DNAAF5: variants seen among roughly 807,000 people sequenced by gnomAD.
The protein encoded by DNAAF5 is dynein axonemal assembly factor 5.
In DNAAF5, 64 loss-of-function variants were observed where a neutral mutation model predicts 75.8. The observed-to-expected ratio is 0.84, with a 90% confidence interval of 0.69 to 1.04. The LOEUF is 1.04. Ranked by LOEUF, DNAAF5 falls within the 50% of genes least tolerant of loss-of-function variation. DNAAF5 has a pLI of 0.00. For missense variants in DNAAF5, 1,269 were observed against 1,178.5 expected, an observed-to-expected ratio of 1.08 and a Z score of -1.12; for synonymous variants, 657 against 557.2, an observed-to-expected ratio of 1.18 and a Z score of -2.52.
intron 2 of DNAAF5, chr7:732,484 G>T (rs769285558): frequency 2.2e-6 from 1 of 454,498 alleles, no homozygotes; most frequent in East Asian, 7.0e-5. Flanking sequence ...TGCTCGATGT[G>T]TGCTGCTGGT....
intron 8 of DNAAF5, among the ~76,000 whole-genome samples, 198 bp downstream of exon 8, chr7:764,172 C>T (rs762594816): frequency 2.3e-4 from 35 of 152,236 alleles, no homozygotes; most frequent in African/African-American, 6.8e-4. Context: ...GACTGTGGGA[C>T]GCAGCTCTTC....
Position 754,456 on chromosome 7 carries a change from G to A in DNAAF5, c.1025-133G>A, listed in dbSNP as rs752285723. The A allele has an allele frequency of 3.9e-5, 30 of 775,528 alleles. No individual in the cohort carries two copies. Among genetic ancestry groups the A allele is most frequent in the East Asian group, 3.4e-4 (14 of 40,646 alleles). The allele number at this position is 775,528 out of a possible 1,614,324, so 48.0% of individuals were successfully genotyped here. On this transcript the variant is annotated intron_variant, in intron 4 of 12. Coordinates refer to ENST00000297440, the MANE Select transcript of DNAAF5 (RefSeq NM_017802.4). The surrounding 1 kb of genome is among the most constrained non-coding windows in gnomAD (Gnocchi z 4.8). ...ACGACGGGGCATTTGTCAGCTTTGCGTCCACCCCAAGACTTGTTTTGAAAT... is the reference window on the plus strand; with the variant it reads ...ACGACGGGGCATTTGTCAGCTTTGCATCCACCCCAAGACTTGTTTTGAAAT...
chr7:737,928 C>T (rs983273136), intron 2 of DNAAF5, among the ~76,000 whole-genome samples: 7 of 152,128 alleles, frequency 4.6e-5, no homozygotes, highest in African/African-American at 1.7e-4. Flanking sequence ...GTTCTGTAGC[C>T]TTCTTGTACT....
intron 12 of DNAAF5, among the ~76,000 whole-genome samples, chr7:784,020 CCCCA>C (rs1779068721): frequency 2.1e-4 from 1 of 4,764 alleles, no homozygotes. Flanking sequence ...TGTACGCCGC[CCCCA>C]CCTCCCCCAC....
At chr7:761,706 A>C in intron 6 of DNAAF5, 47 bp from the exon 7 acceptor site, 1 of 1,550,360 alleles carries the variant, frequency 6.5e-7, no homozygotes. Context: ...GGGTGGGGAC[A>C]CGACCAAATT....
At chr7:745,731 TGCACATACATGTACAC>T (rs1013745643) in intron 4 of DNAAF5, among the ~76,000 whole-genome samples, 3 of 152,216 alleles carry the variant, frequency 2.0e-5, no homozygotes, top group African/African-American at 7.2e-5. Context: ...TACGTGTGTG[TGCACATACATGTACAC>T]ATGTACATAC....
chr7:758,660 T>C (rs901376796), intron 6 of DNAAF5, among the ~76,000 whole-genome samples: 1 of 152,036 alleles, frequency 6.6e-6, no homozygotes, highest in Admixed American at 6.6e-5. Flanking sequence ...CCACCACACC[T>C]GGGTAATTTT....
intron 2 of DNAAF5, among the ~76,000 whole-genome samples, chr7:730,768 C>T (rs534727105): frequency 1.3e-5 from 2 of 151,608 alleles, no homozygotes; most frequent in South Asian, 4.2e-4. Context: ...GGGCTGTGCG[C>T]AGAGACACAG....
chr7:740,798 A>T lies in DNAAF5; in HGVS notation c.781-21A>T, dbSNP rs759297894. On this transcript the variant is annotated intron_variant, in intron 2 of 12. Coordinates refer to ENST00000297440, the MANE Select transcript of DNAAF5 (RefSeq NM_017802.4). ...ATCCCCTTTGCCTACACGAATCCTTATCCCTTCCTCTCATGCGCAGGTCCG... is the reference window on the plus strand; with the variant it reads ...ATCCCCTTTGCCTACACGAATCCTTTTCCCTTCCTCTCATGCGCAGGTCCG... 1.9e-6 allele frequency: 3 copies of T among 1,612,578 alleles called. 1 individual carries two copies. The highest frequency in any genetic ancestry group is 1.1e-5 in the South Asian group (1 of 91,048).
At chr7:744,043 C>T (rs925343040) in intron 4 of DNAAF5, among the ~76,000 whole-genome samples, 2 of 151,684 alleles carry the variant, frequency 1.3e-5, no homozygotes, top group African/African-American at 4.8e-5. Flanking sequence ...CACCCATTAA[C>T]TCGTCATTTA....
At chr7:740,100 G>A (rs772168293) in intron 2 of DNAAF5, among the ~76,000 whole-genome samples, 4 of 152,128 alleles carry the variant, frequency 2.6e-5, no homozygotes, top group Non-Finnish European at 5.9e-5. Context: ...ATCAGTCTGC[G>A]GCTGGCTTCA....
intron 10 of DNAAF5, 22 bp from the exon 11 acceptor site, chr7:774,984 C>A: frequency 1.2e-6 from 2 of 1,613,222 alleles, no homozygotes; most frequent in Non-Finnish European, 1.7e-6. Context: ...TGAGTCACGT[C>A]GTATGTGTTT....
chr7:749,341 G>C (rs1293618507), intron 4 of DNAAF5, among the ~76,000 whole-genome samples: 2 of 152,194 alleles, frequency 1.3e-5, no homozygotes, highest in Admixed American at 6.5e-5. Context: ...ATGCCTGAGC[G>C]TAAAGGAAAG....
chr7:747,648 T>G (rs112272666), intron 4 of DNAAF5, among the ~76,000 whole-genome samples: 3 of 145,476 alleles, frequency 2.1e-5, no homozygotes, highest in South Asian at 2.3e-4. Context: ...TGGCCCACAG[T>G]GTTGGTGGGG....
intron 3 of DNAAF5, 131 bp downstream of exon 3, chr7:741,074 G>T: frequency 1.8e-6 from 2 of 1,130,416 alleles, no homozygotes; most frequent in Non-Finnish European, 2.5e-6. Context: ...GAAGGGATGT[G>T]CCGTACAGAA....
chr7:742,760 CGCCCAGCTCAAATCACAT>C (rs1392971529), intron 4 of DNAAF5, among the ~76,000 whole-genome samples: 1 of 144,534 alleles, frequency 6.9e-6, no homozygotes, highest in African/African-American at 2.5e-5. Flanking sequence ...CCAAATCAGA[CGCCCAGCTCAAATCACAT>C]GCCCAGCTCA....
chr7:739,697 C>T (rs1383300686), intron 2 of DNAAF5, among the ~76,000 whole-genome samples: 4 of 152,202 alleles, frequency 2.6e-5, no homozygotes, highest in African/African-American at 9.6e-5. Flanking sequence ...TAGTGACGAG[C>T]CCTGTCAGTC....
chr7:735,011 C>T (rs760745080), intron 2 of DNAAF5, among the ~76,000 whole-genome samples: 7 of 150,302 alleles, frequency 4.7e-5, no homozygotes, highest in African/African-American at 9.8e-5. Context: ...TCATTGCTCA[C>T]GGTGTAGTTC....
rs202182894 is a variant in DNAAF5, at chr7:756,934, G to C, written c.1410G>C (p.Pro470=). The change falls in exon 6 of 13, where the codon CCG becomes CCC. Residue 470 remains proline (P), a synonymous_variant. Transcript: ENST00000297440. The stretch of plus-strand genomic sequence containing the variant: ...GTTGCCCCCGAGAAGCCCTCCAGCC[G>C]CACCTGGCAGCCATCGCCACAGAGC... ...MRGCPREALQ[P]HLAAIATELA... 4.9e-5 allele frequency: 79 copies of C among 1,608,912 alleles called. No individual in the cohort carries two copies. In the East Asian group the frequency reaches 1.8e-3, roughly 36 times the overall value.
Sources: gnomAD v4.1 joint callset for allele counts (sites outside exome capture counted in the v4.1 genomes callset) on GRCh38, gnomAD v4.1.1 for gene constraint, Gnocchi (gnomAD v3.1) non-coding constraint, MANE v1.5 for transcripts, NCBI Gene and HGNC (gene_info 2026-07-23, HGNC 2026-07-21) for gene names.